Variants in TMEM182 observed in about 807,000 individuals in gnomAD.
TMEM182 encodes the protein transmembrane protein 182.
TMEM182 carries 20 observed loss-of-function variants against 26.8 expected under a neutral mutation model. That is an observed-to-expected ratio of 0.75 (90% confidence interval 0.53 to 1.09). The LOEUF (loss-of-function observed/expected upper bound fraction) is 1.09, where lower values mean the gene tolerates loss of function less well. TMEM182 is among the 50% of genes least tolerant of loss of function. The pLI is 0.00. For synonymous variants in TMEM182, 109 were observed against 102.2 expected (o/e 1.07, Z -0.40); for missense variants, 277 against 275.5 (o/e 1.01, Z -0.04).
intron 4 of TMEM182, among the ~76,000 whole-genome samples, chr2:102,799,002 GA>G: frequency 6.6e-6 from 1 of 152,318 alleles, no homozygotes; most frequent in Middle Eastern, 3.4e-3. Flanking sequence ...TGAGTCTTGT[GA>G]ATTTTAAGCC....
At chr2:102,778,941 G>A (rs1257184219) in intron 3 of TMEM182, among the ~76,000 whole-genome samples, 1 of 151,972 alleles carries the variant, frequency 6.6e-6, no homozygotes, top group Admixed American at 6.5e-5. Context: ...CATTGTTTTT[G>A]CTTCCTTTCT....
chr2:102,816,773 AT>A lies in TMEM182; in HGVS notation c.*1806del. On this transcript the variant is annotated 3_prime_UTR_variant, in exon 5 of 5. Coordinates refer to ENST00000412401, the MANE Select transcript of TMEM182 (RefSeq NM_144632.5). ...AAGTTTTCCAGACGATGTTGGATGT[AT>A]CTGATTAGTTCATGTCATCTGTAAA... 1 of 985,784 alleles carries A rather than the reference AT, an allele frequency of 1.0e-6. No homozygotes were observed. Among genetic ancestry groups the A allele is most frequent in the African/African-American group, 1.7e-5 (1 of 57,344 alleles). The allele number at this position is 985,784 out of a possible 1,614,324, so 61.1% of individuals were successfully genotyped here.
chr2:102,773,686 T>C (rs753073251), intron 3 of TMEM182, among the ~76,000 whole-genome samples: 3 of 152,078 alleles, frequency 2.0e-5, no homozygotes, highest in Non-Finnish European at 4.4e-5. Flanking sequence ...CAATCTGACA[T>C]ATTATACAAT....
rs1682738019 is a variant in TMEM182 at position 102,816,205 on chromosome 2, G to A, written c.*1237G>A. The stretch of plus-strand genomic sequence containing the variant: ...ATGCCTAGCTCGTATTTGCATTCTG[G>A]AAGCCTCCATCGCAGGGGAGCTCGG... On this transcript the variant is annotated 3_prime_UTR_variant, in exon 5 of 5. Coordinates refer to ENST00000412401, the MANE Select transcript of TMEM182 (RefSeq NM_144632.5). 1 of 985,216 alleles carries A rather than the reference G, an allele frequency of 1.0e-6. No homozygotes were observed. Among genetic ancestry groups the A allele is most frequent in the South Asian group, 4.7e-5 (1 of 21,288 alleles). The allele number at this position is 985,216 out of a possible 1,614,324, so 61.0% of individuals were successfully genotyped here.
chr2:102,822,830 C>G (rs1279888167), intron 3 of TMEM182, among the ~76,000 whole-genome samples: 1 of 147,968 alleles, frequency 6.8e-6, no homozygotes, highest in Non-Finnish European at 1.5e-5. Context: ...CCTGCCTCAC[C>G]TCAAAGTAAA....
Position 102,825,519 on chromosome 2 carries a change from A to G in TMEM182, c.326-17893A>G, listed in dbSNP as rs547668703. 8.7e-4 allele frequency among the ~76,000 whole-genome samples: 133 copies of G among 152,334 alleles called. 1 individual carries two copies. The highest frequency in any genetic ancestry group is 5.4e-3 in the Admixed American group (83 of 15,294). On this transcript the variant is annotated intron_variant, in intron 3 of 3. Transcript: ENST00000486293. ...ATAGCTCAGACACACAGACATGGTC[A>G]GTGTTTGAGTCTTTGGCCTTAGAAA...
intron 3 of TMEM182, among the ~76,000 whole-genome samples, chr2:102,794,868 T>C (rs2104722316): frequency 6.6e-6 from 1 of 152,284 alleles, no homozygotes; most frequent in Middle Eastern, 3.4e-3. Flanking sequence ...AGGCATTACT[T>C]TTATGAATAT....
chr2:102,796,535 C>T (rs967202249), intron 3 of TMEM182, among the ~76,000 whole-genome samples: 1 of 152,142 alleles, frequency 6.6e-6, no homozygotes, highest in Non-Finnish European at 1.5e-5. Context: ...AGGACAAGGA[C>T]AGCAAATATT....
chr2:102,739,510 A>G (rs1412671771), intron 1 of TMEM182, among the ~76,000 whole-genome samples: 2 of 152,124 alleles, frequency 1.3e-5, no homozygotes, highest in African/African-American at 4.8e-5. Context: ...GTTTAGCCCC[A>G]TCCTCTTGGT....
chr2:102,820,349 G>C (rs1682894398), downstream of TMEM182, among the ~76,000 whole-genome samples: 1 of 152,182 alleles, frequency 6.6e-6, no homozygotes, highest in South Asian at 2.1e-4. Context: ...AATGGCACTA[G>C]ATGTTAGATA....
intron 3 of TMEM182, among the ~76,000 whole-genome samples, chr2:102,829,877 T>TC (rs1683118399): frequency 6.6e-6 from 1 of 152,162 alleles, no homozygotes; most frequent in Admixed American, 6.5e-5. Flanking sequence ...ATTGAAGGTT[T>TC]CCCCATATTT....
At chr2:102,813,924 C>G (rs1682647563) in intron 4 of TMEM182, among the ~76,000 whole-genome samples, 1 of 151,794 alleles carries the variant, frequency 6.6e-6, no homozygotes, top group African/African-American at 2.4e-5. Flanking sequence ...TTCCTCCCTT[C>G]CTCCCTTCCT....
intron 3 of TMEM182, among the ~76,000 whole-genome samples, chr2:102,840,395 C>T (rs1280813950): frequency 6.6e-6 from 1 of 152,138 alleles, no homozygotes; most frequent in African/African-American, 2.4e-5. Flanking sequence ...AAGTAGACTC[C>T]GTCTTCGCAT....
At chr2:102,807,741 C>T (rs1682401676) in intron 4 of TMEM182, among the ~76,000 whole-genome samples, 1 of 152,132 alleles carries the variant, frequency 6.6e-6, no homozygotes, top group Admixed American at 6.5e-5. Flanking sequence ...TGCACTAATC[C>T]TCATATTTCG....
chr2:102,822,143 A>G (rs1682932956), downstream of TMEM182, among the ~76,000 whole-genome samples: 2 of 152,204 alleles, frequency 1.3e-5, no homozygotes, highest in South Asian at 4.1e-4. Flanking sequence ...AAATATTTAA[A>G]AACAGTTAGA....
Position 102,815,166 on chromosome 2 carries a change from C to G in TMEM182, c.*198C>G. The G allele has an allele frequency of 7.1e-7, 1 of 1,401,340 alleles. No homozygotes were observed. The highest frequency in any genetic ancestry group is 9.2e-7 in the Non-Finnish European group (1 of 1,082,578). The allele number at this position is 1,401,340 out of a possible 1,614,324, so 86.8% of individuals were successfully genotyped here. ...AGACACCAGCAAGCCTCTATCTTGT[C>G]TAAGTGCTGTCAAGGACCTAGTTCT... On this transcript the variant is annotated 3_prime_UTR_variant, in exon 5 of 5. Coordinates refer to ENST00000412401, the MANE Select transcript of TMEM182 (RefSeq NM_144632.5).
chr2:102,838,633 G>A (rs1379677876), intron 3 of TMEM182, among the ~76,000 whole-genome samples: 3 of 152,180 alleles, frequency 2.0e-5, no homozygotes, highest in African/African-American at 4.8e-5. Flanking sequence ...TCAAAATCCT[G>A]AAAACACTTG....
chr2:102,747,944 AGT>A (rs971195203), intron 1 of TMEM182, among the ~76,000 whole-genome samples: 4 of 152,074 alleles, frequency 2.6e-5, no homozygotes, highest in Non-Finnish European at 4.4e-5. Context: ...TAAGACAGAA[AGT>A]GTGTGTGTGT....
chr2:102,767,905 C>G (rs1573508989), intron 3 of TMEM182, among the ~76,000 whole-genome samples: 1 of 152,116 alleles, frequency 6.6e-6, no homozygotes, highest in Non-Finnish European at 1.5e-5. Context: ...TTAAGGTCCT[C>G]CATCTCAGTA....
Sources: allele counts gnomAD v4.1 joint callset (sites outside exome capture counted in the v4.1 genomes callset), GRCh38; gene constraint gnomAD v4.1.1; transcripts MANE v1.5; gene names NCBI Gene and HGNC (gene_info 2026-07-23, HGNC 2026-07-21).